Variants in MACROD1 observed in about 807,000 individuals in gnomAD.
The protein encoded by MACROD1 is mono-ADP ribosylhydrolase 1.
MACROD1 carries 31 observed loss-of-function variants against 41.4 expected under a neutral mutation model. The observed-to-expected ratio is 0.75, with a 90% confidence interval of 0.56 to 1.01. The LOEUF (loss-of-function observed/expected upper bound fraction) is 1.01. Among genes scored for constraint, MACROD1 ranks in the 50% least tolerant of loss-of-function variants. The pLI is 0.00. For synonymous variants in MACROD1, 252 were observed against 203.4 expected (o/e 1.24, Z -2.03); for missense variants, 473 against 460.0 (o/e 1.03, Z -0.26).
intron 3 of MACROD1, among the ~76,000 whole-genome samples, chr11:64,048,105 G>A (rs1328694242): frequency 6.6e-6 from 1 of 152,202 alleles, no homozygotes; most frequent in African/African-American, 2.4e-5. Context: ...GCCGGCGGGA[G>A]GCAGTGGGCC....
chr11:64,156,668 T>G (rs983908735), intron 1 of MACROD1, among the ~76,000 whole-genome samples: 4 of 152,156 alleles, frequency 2.6e-5, no homozygotes, highest in African/African-American at 9.7e-5. Context: ...CTAAGCATGG[T>G]AGCCTGGTCT....
At chr11:64,094,564 G>C (rs746682551) in intron 3 of MACROD1, among the ~76,000 whole-genome samples, 6 of 152,174 alleles carry the variant, frequency 3.9e-5, no homozygotes, top group Admixed American at 3.3e-4. Flanking sequence ...GGCCTCCTGA[G>C]TCATCCATCC....
In MACROD1 at chr11:64,120,634, G is replaced by A. The variant is rs190422860; in HGVS notation, c.517+30605C>T. ...AGGGAGGCAGAGGCTGCAGTGAACC[G>A]AGATTGCGCCACTGCATTCCAGCCT... On this transcript the variant is annotated intron_variant, in intron 3 of 10. Coordinates refer to ENST00000255681, the MANE Select transcript of MACROD1 (RefSeq NM_014067.4). This position sits in a 1 kb window ranked among gnomAD's most constrained non-coding sequence, Gnocchi z 4.5. Among the ~76,000 whole-genome samples, 1 of 152,080 alleles carries A rather than the reference G, an allele frequency of 6.6e-6. No homozygotes were observed. The highest frequency in any genetic ancestry group is 1.9e-4 in the East Asian group (1 of 5,142).
intron 3 of MACROD1, among the ~76,000 whole-genome samples, chr11:64,147,454 A>C (rs2134694088): frequency 6.6e-6 from 1 of 150,842 alleles, no homozygotes; most frequent in Non-Finnish European, 1.5e-5. Flanking sequence ...GCAGTAACAC[A>C]ATCATGGCTC....
intron 3 of MACROD1, among the ~76,000 whole-genome samples, chr11:64,132,570 G>A (rs1206623193): frequency 6.6e-6 from 1 of 152,198 alleles, no homozygotes; most frequent in African/African-American, 2.4e-5. Flanking sequence ...GCTCCTCGGG[G>A]TCTGGCAGAT....
chr11:64,037,799 G>A (rs1022471243), intron 3 of MACROD1, among the ~76,000 whole-genome samples: 2 of 152,186 alleles, frequency 1.3e-5, no homozygotes, highest in South Asian at 4.1e-4. Context: ...CTAGACCTGG[G>A]TCTGTGCATC....
At chr11:64,131,108 C>T (rs550985873) in intron 3 of MACROD1, among the ~76,000 whole-genome samples, 1 of 152,318 alleles carries the variant, frequency 6.6e-6, no homozygotes, top group African/African-American at 2.4e-5. Flanking sequence ...GGCGAGTGCC[C>T]CAGGAGGTCC....
rs540696580 is a variant in MACROD1, at chr11:64,008,260, A to G, written c.547+6992T>C. 2.6e-5 allele frequency among the ~76,000 whole-genome samples: 4 copies of G among 152,226 alleles called. No homozygotes were observed. The South Asian group carries it at 8.3e-4, about 32-fold the overall frequency. On this transcript the variant is annotated intron_variant, in intron 4 of 10. Transcript: ENST00000255681. ...ACGAGGGAGAGAGGGAGGTGGCAAG[A>G]GAAAGAGGTGAGGGAGAGAGGCAGG... is the stretch of plus-strand genomic sequence containing the variant.
intron 2 of MACROD1, among the ~76,000 whole-genome samples, chr11:64,152,078 A>C (rs942558298): frequency 6.6e-5 from 10 of 152,210 alleles, no homozygotes; most frequent in Non-Finnish European, 1.2e-4. Flanking sequence ...GCAGTGAGCC[A>C]AGATCGAGCC....
intron 4 of MACROD1, among the ~76,000 whole-genome samples, chr11:64,012,590 G>A (rs185787396): frequency 2.6e-5 from 4 of 152,072 alleles, no homozygotes; most frequent in East Asian, 1.9e-4. Flanking sequence ...TAGTAGAGAC[G>A]GGGCTTCACC....
intron 3 of MACROD1, among the ~76,000 whole-genome samples, chr11:64,050,114 T>G (rs1226434438): frequency 6.6e-6 from 1 of 152,150 alleles, no homozygotes; most frequent in African/African-American, 2.4e-5. Context: ...CCCTCGGTCC[T>G]TATGCCCCAC....
Position 64,146,743 on chromosome 11 carries a change from GACAC to G in MACROD1, c.517+4492_517+4495del, listed in dbSNP as rs200501544. ...ACACCCCATGCATCACACAAGCACA[GACAC>G]ACACACATCACGCACACACACGCAT... On this transcript the variant is annotated intron_variant, in intron 3 of 10. Coordinates refer to ENST00000255681, the MANE Select transcript of MACROD1 (RefSeq NM_014067.4). This position sits in a 1 kb window ranked among gnomAD's most constrained non-coding sequence, Gnocchi z 4.7. Among the ~76,000 whole-genome samples, 1 of 151,308 alleles carries G rather than the reference GACAC, an allele frequency of 6.6e-6. No individual in the cohort carries two copies. The highest frequency in any genetic ancestry group is 2.4e-5 in the African/African-American group (1 of 41,134).
At chr11:64,014,578 G>A (rs933651229) in intron 4 of MACROD1, among the ~76,000 whole-genome samples, 16 of 152,222 alleles carry the variant, frequency 1.1e-4, no homozygotes, top group African/African-American at 3.6e-4. Flanking sequence ...CGGGCAGCCT[G>A]GCCAGCTGGG....
At chr11:64,061,083 A>G (rs1943894335) in intron 3 of MACROD1, among the ~76,000 whole-genome samples, 1 of 151,740 alleles carries the variant, frequency 6.6e-6, no homozygotes, top group Non-Finnish European at 1.5e-5. Flanking sequence ...ACTCCCAACC[A>G]CCTGAGAGCC....
At chr11:64,058,730 G>A (rs1036961768) in intron 3 of MACROD1, among the ~76,000 whole-genome samples, 2 of 152,260 alleles carry the variant, frequency 1.3e-5, no homozygotes, top group Non-Finnish European at 2.9e-5. Flanking sequence ...CAATTACCTC[G>A]CCTCCTGCTT....
intron 4 of MACROD1, among the ~76,000 whole-genome samples, chr11:64,013,476 C>T (rs892687589): frequency 7.9e-5 from 12 of 152,218 alleles, no homozygotes; most frequent in Admixed American, 2.6e-4. Flanking sequence ...GGGGCCTGTC[C>T]AGGGAGGCCA....
intron 3 of MACROD1, among the ~76,000 whole-genome samples, chr11:64,018,118 G>C (rs1009151436): frequency 3.9e-5 from 6 of 152,184 alleles, no homozygotes; most frequent in Non-Finnish European, 8.8e-5. Context: ...GGCCAGGCCA[G>C]GAGATGGGAT....
At position 64,140,717 on chromosome 11, in the gene MACROD1, C is replaced by T. The variant is rs186872395; in HGVS notation, c.517+10522G>A. ...GTGCTGGGGGCTGGGTCCCCATGCA[C>T]TCTTATCCCTGTTTTACAGACAAGA... On this transcript the variant is annotated intron_variant, in intron 3 of 10. Coordinates refer to ENST00000255681, the MANE Select transcript of MACROD1 (RefSeq NM_014067.4). 3.0e-4 allele frequency among the ~76,000 whole-genome samples: 45 copies of T among 152,310 alleles called. No individual in the cohort carries two copies. The South Asian group carries it at 3.1e-3, about 11-fold the overall frequency.
intron 3 of MACROD1, among the ~76,000 whole-genome samples, chr11:64,081,043 A>G (rs1944293644): frequency 6.6e-6 from 1 of 152,118 alleles, no homozygotes; most frequent in African/African-American, 2.4e-5. Context: ...TTATTTTGAG[A>G]TGAAGTCTTG....
Sources: gnomAD v4.1 joint callset for allele counts (sites outside exome capture counted in the v4.1 genomes callset) on GRCh38, gnomAD v4.1.1 for gene constraint, Gnocchi (gnomAD v3.1) non-coding constraint, MANE v1.5 for transcripts, NCBI Gene and HGNC (gene_info 2026-07-23, HGNC 2026-07-21) for gene names.